TMEM87B: variants seen among roughly 807,000 people sequenced by gnomAD.
The protein encoded by TMEM87B is transmembrane protein 87B.
In TMEM87B, 83 loss-of-function variants were observed where a neutral mutation model predicts 80.3. That is an observed-to-expected ratio of 1.03 (90% CI 0.87 to 1.24). The LOEUF (loss-of-function observed/expected upper bound fraction) is 1.24, where lower values mean the gene tolerates loss of function less well. TMEM87B is among the 50% of genes most tolerant of loss of function. TMEM87B has a pLI of 0.00. For missense variants in TMEM87B, 625 were observed against 674.4 expected (o/e 0.93, Z 0.81); for synonymous variants, 219 against 230.5 (o/e 0.95, Z 0.45).
At chr2:112,066,665 GTAGTATCT>G (rs1678446191) in intron 3 of TMEM87B, among the ~76,000 whole-genome samples, 1 of 152,168 alleles carries the variant, frequency 6.6e-6, no homozygotes, top group African/African-American at 2.4e-5. Flanking sequence ...CTATTTCATT[GTAGTATCT>G]TAGTCAGTTT....
Position 112,055,379 on chromosome 2 carries a change from C to T in TMEM87B, c.-213C>T. 1.1e-5 allele frequency: 6 copies of T among 544,774 alleles called. 1 individual carries two copies. In the South Asian group the frequency reaches 1.5e-4, roughly 14 times the overall value. The allele number at this position is 544,774 out of a possible 1,614,324, so 33.7% of individuals were successfully genotyped here. A position where few individuals can be genotyped will look rare whatever the true frequency, so the allele number is the denominator to read the frequency against. The stretch of plus-strand genomic sequence containing the variant: ...GCATCTCCCAGCTGCACGCTCGGGC[C>T]CGGCTCAGAGCCCTAAGCCCTGCCT... On this transcript the variant is annotated 5_prime_UTR_variant, in exon 1 of 19. Transcript: ENST00000283206.
At chr2:112,107,404 T>A (rs1679800642) in intron 16 of TMEM87B, among the ~76,000 whole-genome samples, 1 of 151,996 alleles carries the variant, frequency 6.6e-6, no homozygotes, top group Non-Finnish European at 1.5e-5. Context: ...TCATTTTTTT[T>A]AAAGTTATAA....
intron 4 of TMEM87B, among the ~76,000 whole-genome samples, chr2:112,068,915 G>A (rs113256724): frequency 0.012 from 1,787 of 151,942 alleles, 43 homozygotes; most frequent in African/African-American, 0.041. Flanking sequence ...CATGTAGGCC[G>A]GGCGCGGTGG....
chr2:112,075,782 A>G (rs1057254072), intron 5 of TMEM87B, among the ~76,000 whole-genome samples: 1 of 152,160 alleles, frequency 6.6e-6, no homozygotes, highest in African/African-American at 2.4e-5. Flanking sequence ...CATCCTAAAG[A>G]AGTCTGATAA....
rs1362329784 is a variant in TMEM87B at position 112,055,571 on chromosome 2, A to C, written c.-21A>C. 3 of 1,485,254 alleles carry C rather than the reference A, an allele frequency of 2.0e-6. No individual in the cohort carries two copies. The highest frequency in any genetic ancestry group is 2.2e-5 in the Admixed American group (1 of 45,538). The allele number at this position is 1,485,254 out of a possible 1,614,324, so 92.0% of individuals were successfully genotyped here. A position where few individuals can be genotyped will look rare whatever the true frequency, so the allele number is the denominator to read the frequency against. On this transcript the variant is annotated 5_prime_UTR_variant, in exon 1 of 19. Transcript: ENST00000283206. ...GGTGTGGCAGGCGTCTCGGAGCGCC[A>C]GGTGCAGCTTCCTGGTCAAGATGGT...
At chr2:112,056,564 C>G (rs1452881427) in intron 1 of TMEM87B, among the ~76,000 whole-genome samples, 1 of 152,098 alleles carries the variant, frequency 6.6e-6, no homozygotes, top group Non-Finnish European at 1.5e-5. Context: ...GCATTATCTC[C>G]GGCTTCTCTG....
chr2:112,077,433 A>T (rs933873862), intron 6 of TMEM87B, 151 bp downstream of exon 6: 28 of 422,760 alleles, frequency 6.6e-5, no homozygotes, highest in African/African-American at 5.1e-4. Context: ...TTAAAATGTA[A>T]CATTAAGTTA....
At chr2:112,097,712 CAAAA>C (rs68175814) in intron 13 of TMEM87B, among the ~76,000 whole-genome samples, 2 of 57,242 alleles carry the variant, frequency 3.5e-5, no homozygotes, top group Non-Finnish European at 6.4e-5. Flanking sequence ...GACTCCATCT[CAAAA>C]AAAAAAAAAA....
intron 4 of TMEM87B, among the ~76,000 whole-genome samples, chr2:112,067,450 T>C (rs1348104672): frequency 1.3e-5 from 2 of 151,964 alleles, no homozygotes. Context: ...AATAAAAAAA[T>C]TAGCCGGGTG....
chr2:112,096,687 G>A (rs1461023219), intron 11 of TMEM87B, among the ~76,000 whole-genome samples: 1 of 152,226 alleles, frequency 6.6e-6, no homozygotes, highest in Non-Finnish European at 1.5e-5. Context: ...CAAGCCAAAT[G>A]GCATGTCACA....
At chr2:112,072,895 CT>C (rs71226782) in intron 4 of TMEM87B, among the ~76,000 whole-genome samples, 1,659 of 83,020 alleles carry the variant, frequency 0.02, 17 homozygotes, top group African/African-American at 0.077. Context: ...AACTCTTCTT[CT>C]TTTTTTTTTT....
At chr2:112,074,348 T>G (rs1321697960) in intron 4 of TMEM87B, among the ~76,000 whole-genome samples, 1 of 152,198 alleles carries the variant, frequency 6.6e-6, no homozygotes, top group African/African-American at 2.4e-5. Context: ...CATAAAATTC[T>G]TGGTTGGAAT....
At chr2:112,063,985 T>A (rs1678337431) in intron 2 of TMEM87B, among the ~76,000 whole-genome samples, 177 bp from the exon 3 acceptor site, 1 of 152,246 alleles carries the variant, frequency 6.6e-6, no homozygotes, top group Admixed American at 6.5e-5. Flanking sequence ...TGGTTAACTG[T>A]AACAATTTAA....
At chr2:112,077,147 C>A in intron 5 of TMEM87B, 45 bp from the exon 6 acceptor site, 2 of 1,025,644 alleles carry the variant, frequency 1.9e-6, no homozygotes, top group South Asian at 1.6e-5. Flanking sequence ...TATTACATAG[C>A]AATTTGTTAA....
chr2:112,076,588 C>G (rs1678823996), intron 5 of TMEM87B, among the ~76,000 whole-genome samples: 1 of 152,114 alleles, frequency 6.6e-6, no homozygotes, highest in South Asian at 2.1e-4. Context: ...GATCCACCCA[C>G]CTCGGCCTCC....
rs1680023122 is a variant in TMEM87B at position 112,116,298 on chromosome 2, T to C, written c.*155T>C. On this transcript the variant is annotated 3_prime_UTR_variant, in exon 19 of 19. Transcript: ENST00000283206. ...AGAATTCAGATGGTAGGAGGTTCTA[T>C]AGTCCTTTTAAAGCTGACTCTTGAG... The C allele has an allele frequency of 4.9e-6, 3 of 617,868 alleles. No individual in the cohort carries two copies. The South Asian group carries it at 6.6e-5, about 14-fold the overall frequency. The allele number at this position is 617,868 out of a possible 1,614,324, so 38.3% of individuals were successfully genotyped here.
chr2:112,091,888 A>G lies in TMEM87B; in HGVS notation c.1104+105A>G, dbSNP rs542976712. ...AGAAATACAGTTATGCATTTTTGTT[A>G]CCTTAATACGAGGGTTCACTTGAAG... On this transcript the variant is annotated intron_variant, in intron 11 of 18. Coordinates refer to ENST00000283206, the MANE Select transcript of TMEM87B (RefSeq NM_032824.3). The G allele has an allele frequency of 5.8e-6, 5 of 865,904 alleles. No homozygotes were observed. The Admixed American group carries it at 1.1e-4, about 19-fold the overall frequency. 53.6% of individuals were successfully genotyped at this position (865,904 alleles called of 1,614,324 possible). A position where few individuals can be genotyped will look rare whatever the true frequency, so the allele number is the denominator to read the frequency against.
intron 8 of TMEM87B, among the ~76,000 whole-genome samples, chr2:112,085,505 C>G (rs555133559): frequency 1.1e-4 from 17 of 152,322 alleles, no homozygotes; most frequent in Non-Finnish European, 2.4e-4. Context: ...ACCTCTTGCT[C>G]TTACCACACT....
intron 5 of TMEM87B, among the ~76,000 whole-genome samples, chr2:112,076,871 TGTGTGTGTGTG>T: frequency 6.7e-6 from 1 of 148,290 alleles, no homozygotes; most frequent in Non-Finnish European, 1.5e-5. Context: ...TGTGTGTGTG[TGTGTGTGTGTG>T]TGTGTGTCTG....
Sources: allele counts gnomAD v4.1 joint callset (sites outside exome capture counted in the v4.1 genomes callset), GRCh38; gene constraint gnomAD v4.1.1; transcripts MANE v1.5; gene names NCBI Gene and HGNC (gene_info 2026-07-23, HGNC 2026-07-21).